The following KLHL1 variants were observed in gnomAD, a reference collection of about 807,000 sequenced individuals.
The protein encoded by KLHL1 is kelch-like protein 1.
A neutral mutation model predicts 77.7 loss-of-function variants in KLHL1; 47 were observed. That is an observed-to-expected ratio of 0.60 (90% CI 0.48 to 0.77). KLHL1 has a LOEUF of 0.77. Among genes scored for constraint, KLHL1 ranks in the 30% least tolerant of loss-of-function variants. The probability of loss-of-function intolerance (pLI) is 0.00; values close to 1 mark genes in which losing one functional copy is unlikely to be tolerated. For missense variants in KLHL1, 925 were observed against 910.8 expected (o/e 1.02, Z -0.20); for synonymous variants, 360 against 325.2 (o/e 1.11, Z -1.15).
intron 8 of KLHL1, among the ~76,000 whole-genome samples, chr13:69,736,290 C>A (rs1873758644): frequency 6.6e-6 from 1 of 152,058 alleles, no homozygotes; most frequent in Non-Finnish European, 1.5e-5. Flanking sequence ...TGAAAAAATT[C>A]TCAACATCAC....
At chr13:69,770,316 C>G (rs1875504191) in intron 7 of KLHL1, among the ~76,000 whole-genome samples, 1 of 152,166 alleles carries the variant, frequency 6.6e-6, no homozygotes, top group African/African-American at 2.4e-5. Flanking sequence ...CCCGAGTGGG[C>G]AGAGTGAGCT....
At chr13:70,060,509 G>A (rs530341553) in intron 1 of KLHL1, among the ~76,000 whole-genome samples, 1 of 150,042 alleles carries the variant, frequency 6.7e-6, no homozygotes, top group East Asian at 2.0e-4. Flanking sequence ...AATTTGGAAG[G>A]AAAACCTATT....
intron 4 of KLHL1, among the ~76,000 whole-genome samples, chr13:69,920,633 T>A (rs994763707): frequency 6.6e-6 from 1 of 152,150 alleles, no homozygotes; most frequent in Non-Finnish European, 1.5e-5. Flanking sequence ...TTGGACTTTA[T>A]ATAAATTTAT....
chr13:69,848,099 T>G (rs910135864), intron 5 of KLHL1, among the ~76,000 whole-genome samples: 2 of 151,446 alleles, frequency 1.3e-5, no homozygotes, highest in Non-Finnish European at 3.0e-5. Context: ...CAATAAATAG[T>G]GAGCCGTGGC....
chr13:69,933,039 A>G (rs138212526), intron 4 of KLHL1, among the ~76,000 whole-genome samples: 1 of 152,008 alleles, frequency 6.6e-6, no homozygotes, highest in African/African-American at 2.4e-5. Flanking sequence ...CCAGCCTGCC[A>G]CATTTTTACT....
chr13:69,960,985 C>A (rs774447710), intron 3 of KLHL1, among the ~76,000 whole-genome samples: 1 of 151,962 alleles, frequency 6.6e-6, no homozygotes, highest in African/African-American at 2.4e-5. Flanking sequence ...ATTAGAATCT[C>A]TTTTCTTTCC....
intron 1 of KLHL1, among the ~76,000 whole-genome samples, chr13:70,080,851 T>C (rs1887376007): frequency 6.6e-6 from 1 of 152,172 alleles, no homozygotes; most frequent in African/African-American, 2.4e-5. Context: ...TCCTCCTGCC[T>C]CAGCCTCCCA....
intron 4 of KLHL1, among the ~76,000 whole-genome samples, chr13:69,912,974 G>A (rs1030960622): frequency 4.6e-5 from 7 of 152,014 alleles, no homozygotes; most frequent in African/African-American, 1.7e-4. Flanking sequence ...CCAGTGTGGG[G>A]TCTCCTTTTG....
intron 1 of KLHL1, among the ~76,000 whole-genome samples, chr13:69,998,707 T>C (rs1885216613): frequency 6.6e-6 from 1 of 152,078 alleles, no homozygotes; most frequent in Non-Finnish European, 1.5e-5. Context: ...CTAATTTCTG[T>C]AGGCCAGTAG....
Position 69,882,588 on chromosome 13 carries a change from T to C in KLHL1, c.1015-93A>G, listed in dbSNP as rs147419976. 12 of 789,562 alleles carry C rather than the reference T, an allele frequency of 1.5e-5. No individual in the cohort carries two copies. In the East Asian group the frequency reaches 3.2e-4, roughly 21 times the overall value. 48.9% of individuals were successfully genotyped at this position (789,562 alleles called of 1,614,324 possible). A position where few individuals can be genotyped will look rare whatever the true frequency, so the allele number is the denominator to read the frequency against. On this transcript the variant is annotated intron_variant, in intron 4 of 10. Transcript: ENST00000377844. ...AAGAAGAAAAGTAGTCAATATCCTT[T>C]GTTCTTATTATAACATAATCCTTGA...
intron 8 of KLHL1, among the ~76,000 whole-genome samples, chr13:69,732,639 TTTTG>T (rs752662031): frequency 2.2e-4 from 32 of 148,186 alleles, no homozygotes; most frequent in African/African-American, 5.2e-4. Context: ...GGTCTTGGTT[TTTTG>T]TTTGTTTGTT....
chr13:69,861,253 A>G (rs901220173), intron 5 of KLHL1, among the ~76,000 whole-genome samples: 25 of 152,112 alleles, frequency 1.6e-4, no homozygotes, highest in African/African-American at 6.0e-4. Context: ...TTATCTGCTG[A>G]AAAAGTCTGT....
rs145374474 is a variant in KLHL1, at chr13:69,875,204, T to C, written c.1227+7079A>G. Among the ~76,000 whole-genome samples, 722 of 152,008 alleles carry C rather than the reference T, an allele frequency of 4.7e-3. 4 individuals carry two copies. Among genetic ancestry groups the C allele is most frequent in the Non-Finnish European group, 7.1e-3 (483 of 67,922 alleles). On this transcript the variant is annotated intron_variant, in intron 5 of 10. Transcript: ENST00000377844. ...AGGGCAAATGATTGATTGAAGTGGA[T>C]TGAAGAGAGAATGATGGTTAAGTAA... is the stretch of plus-strand genomic sequence containing the variant.
At chr13:69,718,594 C>T (rs990613) in intron 9 of KLHL1, among the ~76,000 whole-genome samples, 10,682 of 152,080 alleles carry the variant, frequency 0.07, 463 homozygotes, top group Middle Eastern at 0.13. Flanking sequence ...CCCCATGGAT[C>T]ATTATGTATC....
At chr13:70,024,980 T>C (rs1885905839) in intron 1 of KLHL1, among the ~76,000 whole-genome samples, 1 of 151,952 alleles carries the variant, frequency 6.6e-6, no homozygotes, top group Non-Finnish European at 1.5e-5. Context: ...CTAGACACTT[T>C]AGATATTTTT....
intron 4 of KLHL1, among the ~76,000 whole-genome samples, chr13:69,927,442 A>G (rs932082905): frequency 3.3e-5 from 5 of 152,210 alleles, no homozygotes; most frequent in African/African-American, 1.2e-4. Flanking sequence ...CCTCATTGAG[A>G]AAACACTTTC....
chr13:70,088,936 G>T (rs1887611048), intron 1 of KLHL1, among the ~76,000 whole-genome samples: 1 of 151,832 alleles, frequency 6.6e-6, no homozygotes, highest in African/African-American at 2.4e-5. Flanking sequence ...TACATATGTA[G>T]TTTGGCTCTT....
At chr13:70,074,876 A>C (rs1437761206) in intron 1 of KLHL1, among the ~76,000 whole-genome samples, 1 of 152,054 alleles carries the variant, frequency 6.6e-6, no homozygotes, top group Admixed American at 6.6e-5. Flanking sequence ...AAAAAATTTT[A>C]AATTCTGTAG....
chr13:70,043,151 TG>T (rs371122104), intron 1 of KLHL1, among the ~76,000 whole-genome samples: 40 of 152,246 alleles, frequency 2.6e-4, no homozygotes, highest in African/African-American at 9.6e-4. Context: ...GTGATCCACC[TG>T]CTTGGCTTCC....
Sources: gnomAD v4.1 joint callset for allele counts (sites outside exome capture counted in the v4.1 genomes callset) on GRCh38, gnomAD v4.1.1 for gene constraint, MANE v1.5 for transcripts, NCBI Gene and HGNC (gene_info 2026-07-23, HGNC 2026-07-21) for gene names.